The following GRIA4 variants were observed in gnomAD, a reference collection of about 807,000 sequenced individuals.
GRIA4 encodes glutamate receptor 4.
GRIA4 carries 34 observed loss-of-function variants against 104.0 expected under a neutral mutation model. The observed-to-expected ratio is 0.33, with a 90% confidence interval of 0.25 to 0.44. The LOEUF (loss-of-function observed/expected upper bound fraction) is 0.44, where lower values mean the gene tolerates loss of function less well. Ranked by LOEUF, GRIA4 falls within the 20% of genes least tolerant of loss-of-function variation. The pLI, the probability that GRIA4 is intolerant of heterozygous loss-of-function variation, is 1.00. For synonymous variants in GRIA4, 386 were observed against 381.9 expected (o/e 1.01, Z -0.13); for missense variants, 750 against 1,096.5 (o/e 0.68, Z 4.46).
chr11:105,808,250 T>C (rs1014978724), intron 4 of GRIA4, among the ~76,000 whole-genome samples: 1 of 151,974 alleles, frequency 6.6e-6, no homozygotes, highest in East Asian at 1.9e-4. Flanking sequence ...CCTAGAGTCC[T>C]GGTTGAAATA....
intron 4 of GRIA4, among the ~76,000 whole-genome samples, chr11:105,811,764 A>G (rs903578577): frequency 6.6e-5 from 10 of 152,196 alleles, no homozygotes; most frequent in Non-Finnish European, 1.5e-4. Flanking sequence ...CTGCATTTTT[A>G]CCTGCTATAC....
At chr11:105,677,345 T>C (rs953273142) in intron 3 of GRIA4, among the ~76,000 whole-genome samples, 7 of 151,824 alleles carry the variant, frequency 4.6e-5, no homozygotes, top group Non-Finnish European at 8.8e-5. Flanking sequence ...ACTGAGCAAA[T>C]GGTTAATGGG....
intron 4 of GRIA4, among the ~76,000 whole-genome samples, chr11:105,825,071 A>G (rs373498808): frequency 1.4e-3 from 215 of 152,202 alleles, no homozygotes; most frequent in African/African-American, 4.8e-3. Flanking sequence ...TCAAAGATGG[A>G]TAACATTACT....
At chr11:105,647,304 G>A (rs1028656380) in intron 3 of GRIA4, among the ~76,000 whole-genome samples, 5 of 152,134 alleles carry the variant, frequency 3.3e-5, no homozygotes, top group Non-Finnish European at 5.9e-5. Context: ...ACATGCTGGC[G>A]AGGTTGGGGA....
chr11:105,771,136 T>C (rs972600122), intron 4 of GRIA4, among the ~76,000 whole-genome samples: 1 of 152,060 alleles, frequency 6.6e-6, no homozygotes, highest in African/African-American at 2.4e-5. Flanking sequence ...GCTAGGTTTT[T>C]CATTGCCATA....
chr11:105,918,653 A>G (rs1947475002), intron 10 of GRIA4, 59 bp from the exon 11 acceptor site: 1 of 830,850 alleles, frequency 1.2e-6, no homozygotes, highest in South Asian at 1.5e-5. Context: ...GGAAAGTTAC[A>G]TAAGGTTTTT....
At chr11:105,884,487 A>AC (rs1046737782) in intron 5 of GRIA4, among the ~76,000 whole-genome samples, 1 of 152,188 alleles carries the variant, frequency 6.6e-6, no homozygotes, top group African/African-American at 2.4e-5. Flanking sequence ...TGTAAATCGA[A>AC]TTTTTTCACA....
At chr11:105,971,861 GAATAACATAAAATA>G in intron 14 of GRIA4, 39 bp from the exon 15 acceptor site, 1 of 1,174,830 alleles carries the variant, frequency 8.5e-7, no homozygotes. Context: ...AGTTTTACTT[GAATAACATAAAATA>G]ACATATATAA....
At chr11:105,661,885 G>A (rs1290060741) in intron 3 of GRIA4, among the ~76,000 whole-genome samples, 2 of 151,486 alleles carry the variant, frequency 1.3e-5, no homozygotes, top group African/African-American at 2.4e-5. Context: ...TCTTAATCAC[G>A]CTTATATATT....
chr11:105,834,117 T>C (rs1040068750), intron 4 of GRIA4, among the ~76,000 whole-genome samples: 9 of 152,040 alleles, frequency 5.9e-5, no homozygotes, highest in Admixed American at 2.0e-4. Context: ...TAAGAATAAG[T>C]TGTAATTAGA....
At chr11:105,871,054 T>C (rs1177283476) in intron 5 of GRIA4, among the ~76,000 whole-genome samples, 2 of 152,102 alleles carry the variant, frequency 1.3e-5, no homozygotes, top group Non-Finnish European at 2.9e-5. Context: ...GTGCCTGTTA[T>C]AGGTCAGGCC....
intron 11 of GRIA4, 120 bp from the exon 12 acceptor site, chr11:105,924,279 A>C: frequency 1.5e-6 from 1 of 660,652 alleles, no homozygotes; most frequent in South Asian, 2.7e-5. Flanking sequence ...CATTGTTGGC[A>C]CTCCAAAAAT....
At chr11:105,767,757 A>G (rs1203660379) in intron 4 of GRIA4, among the ~76,000 whole-genome samples, 1 of 152,142 alleles carries the variant, frequency 6.6e-6, no homozygotes, top group Non-Finnish European at 1.5e-5. Flanking sequence ...AGGTGGTATT[A>G]TTTCCATTTT....
chr11:105,651,861 A>G (rs569766072), intron 3 of GRIA4, among the ~76,000 whole-genome samples: 6 of 152,026 alleles, frequency 3.9e-5, no homozygotes, highest in African/African-American at 1.2e-4. Flanking sequence ...AATTAATGGG[A>G]CTCTGTCACT....
chr11:105,796,148 G>A (rs1348058648), intron 4 of GRIA4, among the ~76,000 whole-genome samples: 1 of 151,972 alleles, frequency 6.6e-6, no homozygotes, highest in Non-Finnish European at 1.5e-5. Flanking sequence ...TTTCTGTACT[G>A]TTCATTCCCC....
chr11:105,734,594 A>T (rs997983866), intron 3 of GRIA4, among the ~76,000 whole-genome samples: 5 of 152,112 alleles, frequency 3.3e-5, no homozygotes, highest in African/African-American at 4.8e-5. Flanking sequence ...ATCCACAGGG[A>T]TACTTAACAC....
intron 14 of GRIA4, among the ~76,000 whole-genome samples, chr11:105,956,898 A>C (rs2136251029): frequency 6.6e-6 from 1 of 152,276 alleles, no homozygotes; most frequent in South Asian, 2.1e-4. Context: ...TGGCTACATA[A>C]ATGTCTTCTT....
chr11:105,904,884 T>C (rs991275570), intron 8 of GRIA4, among the ~76,000 whole-genome samples: 1 of 152,134 alleles, frequency 6.6e-6, no homozygotes, highest in Admixed American at 6.6e-5. Flanking sequence ...AAAGTAACCA[T>C]AAAAAATTGC....
intron 4 of GRIA4, among the ~76,000 whole-genome samples, chr11:105,861,641 G>C (rs1255869159): frequency 6.6e-6 from 1 of 152,120 alleles, no homozygotes; most frequent in Non-Finnish European, 1.5e-5. Flanking sequence ...AAGTCAAACA[G>C]TTGTTCAAAA....
Sources: allele counts gnomAD v4.1 joint callset (sites outside exome capture counted in the v4.1 genomes callset), GRCh38; gene constraint gnomAD v4.1.1; transcripts MANE v1.5; gene names NCBI Gene and HGNC (gene_info 2026-07-23, HGNC 2026-07-21).